The following DPYD variants were observed in gnomAD, a reference collection of about 807,000 sequenced individuals.
The protein encoded by DPYD is dihydropyrimidine dehydrogenase, also known as dihydropyrimidine dehydrogenase [NADP(+)].
In DPYD, 109 loss-of-function variants were observed where a neutral mutation model predicts 116.2. The ratio of observed to expected loss-of-function variants is 0.94; its 90% CI spans 0.80 to 1.10. The LOEUF (loss-of-function observed/expected upper bound fraction) is 1.10, where lower values mean the gene tolerates loss of function less well. Ranked by LOEUF, DPYD falls within the 50% of genes least tolerant of loss-of-function variation. The pLI is 0.00. For synonymous variants in DPYD, 440 were observed against 432.0 expected (o/e 1.02, Z -0.23); for missense variants, 1,302 against 1,254.5 (o/e 1.04, Z -0.57).
chr1:97,167,362 G>A (rs1398763930), intron 20 of DPYD, among the ~76,000 whole-genome samples: 1 of 152,042 alleles, frequency 6.6e-6, no homozygotes, highest in Non-Finnish European at 1.5e-5. Context: ...TCTTGACACT[G>A]TACAATTCTT....
In DPYD at chr1:97,662,363, G is replaced by A. The variant is rs115100783; in HGVS notation, c.850+16732C>T. 4.5e-3 allele frequency among the ~76,000 whole-genome samples: 687 copies of A among 151,920 alleles called. 7 individuals are homozygous for A. The highest frequency in any genetic ancestry group is 0.016 in the African/African-American group (652 of 41,470). On this transcript the variant is annotated intron_variant, in intron 8 of 22. Coordinates refer to ENST00000370192, the MANE Select transcript of DPYD (RefSeq NM_000110.4). ...GAATACCAGCTGTGTACATCAAACA[G>A]CTGATATTAAAACACAGTGCTCACT...
intron 11 of DPYD, among the ~76,000 whole-genome samples, chr1:97,570,166 T>A (rs2102168903): frequency 6.6e-6 from 1 of 152,168 alleles, no homozygotes; most frequent in African/African-American, 2.4e-5. Context: ...GATTGTGGAA[T>A]ATTTCAGAAA....
At chr1:97,546,592 G>A in intron 12 of DPYD, 1 of 1,609,148 alleles carries the variant, frequency 6.2e-7, no homozygotes, top group Admixed American at 1.7e-5. Context: ...AACACATCCT[G>A]TGTATAGCCT....
chr1:97,126,336 T>C (rs1283139038), intron 20 of DPYD, among the ~76,000 whole-genome samples: 1 of 152,158 alleles, frequency 6.6e-6, no homozygotes. Context: ...ACATGTTTTA[T>C]TGAAAGCTCT....
chr1:97,829,776 T>G lies in DPYD; in HGVS notation c.151-1580A>C, dbSNP rs568086266. 1.2e-3 allele frequency among the ~76,000 whole-genome samples: 187 copies of G among 152,150 alleles called. No homozygotes were observed. In the Middle Eastern group the frequency reaches 0.024, roughly 19 times the overall value. On this transcript the variant is annotated intron_variant, in intron 2 of 22. Transcript: ENST00000370192. ...ATTTCTTTTTTTTTTAATTATACTT[T>G]AAGTTCTAGGGTACAGGAACGTGCA... is the stretch of plus-strand genomic sequence containing the variant.
intron 6 of DPYD, among the ~76,000 whole-genome samples, chr1:97,697,961 A>G (rs567137855): frequency 6.6e-6 from 1 of 152,182 alleles, no homozygotes; most frequent in African/African-American, 2.4e-5. Context: ...GATGTGTATA[A>G]CTGAAAACAA....
intron 20 of DPYD, among the ~76,000 whole-genome samples, chr1:97,159,732 G>C (rs1655748943): frequency 6.6e-6 from 1 of 151,818 alleles, no homozygotes. Flanking sequence ...AAGGAGATAT[G>C]AAAAAATGGG....
chr1:97,893,924 A>T lies in DPYD; in HGVS notation c.40-10550T>A, dbSNP rs150153605. On this transcript the variant is annotated intron_variant, in intron 1 of 22. Coordinates refer to ENST00000370192, the MANE Select transcript of DPYD (RefSeq NM_000110.4). ...CAGAAAAGATTGACAATTCAAACAC[A>T]AGAATAATAACATCTGATATTAACC... 6.3e-3 allele frequency among the ~76,000 whole-genome samples: 955 copies of T among 151,926 alleles called. 13 individuals are homozygous for T. Among genetic ancestry groups the T allele is most frequent in the African/African-American group, 0.022 (918 of 41,504 alleles).
chr1:97,804,487 T>A (rs902782802), intron 3 of DPYD, among the ~76,000 whole-genome samples: 5 of 151,822 alleles, frequency 3.3e-5, no homozygotes, highest in Non-Finnish European at 7.4e-5. Flanking sequence ...AATGAAAACA[T>A]TTATTTCATA....
rs573811847 is a variant in DPYD, at chr1:97,201,717, A to T, written c.2443-8469T>A. On this transcript the variant is annotated intron_variant, in intron 19 of 22. Transcript: ENST00000370192. ...GGAGCTGTACAACATCAAAGTCATG[A>T]TGTCCCTATATATTGCATTTAGCAG... Among the ~76,000 whole-genome samples, 18 of 152,258 alleles carry T rather than the reference A, an allele frequency of 1.2e-4. No individual in the cohort carries two copies. The South Asian group carries it at 3.5e-3, about 30-fold the overall frequency.
rs1571211255 is a variant in DPYD at position 97,699,680 on chromosome 1, C to T, written c.484-133G>A. ...ACATTTTCAGTATTAATATGGTATA[C>T]TTACAACTTTTATTGTGTCAAGTAG... On this transcript the variant is annotated intron_variant, in intron 5 of 22. Coordinates refer to ENST00000370192, the MANE Select transcript of DPYD (RefSeq NM_000110.4). 2.6e-5 allele frequency: 23 copies of T among 868,544 alleles called. No homozygotes were observed. In the South Asian group the frequency reaches 3.2e-4, roughly 12 times the overall value. 53.8% of individuals were successfully genotyped at this position (868,544 alleles called of 1,614,324 possible). A position where few individuals can be genotyped will look rare whatever the true frequency, so the allele number is the denominator to read the frequency against.
intron 13 of DPYD, among the ~76,000 whole-genome samples, chr1:97,495,207 T>A (rs1679195999): frequency 6.6e-6 from 1 of 152,090 alleles, no homozygotes; most frequent in Non-Finnish European, 1.5e-5. Flanking sequence ...ATTGTAGGCA[T>A]GCTAAGATTT....
At chr1:97,500,416 C>T (rs2101928696) in intron 13 of DPYD, among the ~76,000 whole-genome samples, 1 of 152,020 alleles carries the variant, frequency 6.6e-6, no homozygotes, top group Non-Finnish European at 1.5e-5. Context: ...TTATGATTCA[C>T]AGTGATATAT....
intron 19 of DPYD, among the ~76,000 whole-genome samples, chr1:97,217,568 C>T (rs949244285): frequency 3.3e-5 from 5 of 151,826 alleles, no homozygotes; most frequent in Admixed American, 1.3e-4. Context: ...CAATTAAATA[C>T]CATCAAAATA....
chr1:97,148,776 T>C (rs12091136), intron 20 of DPYD, among the ~76,000 whole-genome samples: 27,139 of 152,174 alleles, frequency 0.18, 2,460 homozygotes, highest in East Asian at 0.29. Context: ...GCAGAAACAC[T>C]TGATAAAACT....
chr1:97,189,558 T>C (rs1207591176), intron 20 of DPYD, among the ~76,000 whole-genome samples: 5 of 152,216 alleles, frequency 3.3e-5, no homozygotes, highest in Non-Finnish European at 7.3e-5. Flanking sequence ...AACATAACTC[T>C]TATTTCCCAT....
At chr1:97,253,421 CAACT>C (rs2100819325) in intron 18 of DPYD, among the ~76,000 whole-genome samples, 1 of 152,202 alleles carries the variant, frequency 6.6e-6, no homozygotes, top group African/African-American at 2.4e-5. Flanking sequence ...TTTCATGTCT[CAACT>C]AACTCTTTCA....
chr1:97,515,725 C>A lies in DPYD; in HGVS notation c.1740+1G>T. ...ATATGACTTCAATAATATTTTCTTA[C>A]CTTATCAAGAGAGAAAGTTTTGGTG... On this transcript the variant is annotated splice_donor_variant, in intron 13 of 22. Transcript: ENST00000370192. LOFTEE classifies it high-confidence loss of function. The A allele has an allele frequency of 6.2e-7, 1 of 1,611,782 alleles. No individual in the cohort carries two copies. Among genetic ancestry groups the A allele is most frequent in the Non-Finnish European group, 8.5e-7 (1 of 1,178,494 alleles).
At chr1:97,651,385 C>T (rs1351064343) in intron 8 of DPYD, among the ~76,000 whole-genome samples, 1 of 152,110 alleles carries the variant, frequency 6.6e-6, no homozygotes, top group Non-Finnish European at 1.5e-5. Flanking sequence ...CATGTTGCAT[C>T]TCATTTATTT....
Sources: gnomAD v4.1 joint callset for allele counts (sites outside exome capture counted in the v4.1 genomes callset) on GRCh38, gnomAD v4.1.1 for gene constraint, MANE v1.5 for transcripts, NCBI Gene and HGNC (gene_info 2026-07-23, HGNC 2026-07-21) for gene names.